The following CSGALNACT1 variants were observed in gnomAD, a reference collection of about 807,000 sequenced individuals.
The protein encoded by CSGALNACT1 is beta4GalNAcT-1.
CSGALNACT1 carries 52 observed loss-of-function variants against 51.0 expected under a neutral mutation model. The observed-to-expected ratio is 1.02, with a 90% CI of 0.82 to 1.29. The LOEUF (loss-of-function observed/expected upper bound fraction) is 1.29, where lower values mean the gene tolerates loss of function less well. CSGALNACT1 is among the 50% of genes most tolerant of loss of function. CSGALNACT1 has a pLI of 0.00. For synonymous variants in CSGALNACT1, 341 were observed against 254.4 expected, an observed-to-expected ratio of 1.34 and a Z score of -3.24; for missense variants, 935 against 679.2, an observed-to-expected ratio of 1.38 and a Z score of -4.19.
At chr8:19,552,812 A>G (rs1396127462) in intron 3 of CSGALNACT1, among the ~76,000 whole-genome samples, 21 of 152,358 alleles carry the variant, frequency 1.4e-4, no homozygotes, top group Admixed American at 1.3e-3. Context: ...TTATAAGAAC[A>G]GAATGTAAAG....
chr8:19,590,238 C>G (rs2047514402), intron 3 of CSGALNACT1, among the ~76,000 whole-genome samples: 1 of 152,148 alleles, frequency 6.6e-6, no homozygotes, highest in South Asian at 2.1e-4. Flanking sequence ...TGGATGATTA[C>G]TAAACTGCGC....
chr8:19,597,454 C>T (rs1334689592), intron 2 of CSGALNACT1, among the ~76,000 whole-genome samples: 1 of 151,802 alleles, frequency 6.6e-6, no homozygotes, highest in Non-Finnish European at 1.5e-5. Context: ...GCCACCAAGC[C>T]TAGCTAATTT....
At chr8:19,487,021 T>G (rs2073115976) in intron 4 of CSGALNACT1, among the ~76,000 whole-genome samples, 1 of 152,228 alleles carries the variant, frequency 6.6e-6, no homozygotes, top group African/African-American at 2.4e-5. Flanking sequence ...ACAGAAATCC[T>G]TTAGCTGTTA....
intron 8 of CSGALNACT1, among the ~76,000 whole-genome samples, chr8:19,413,820 G>A (rs2056361749): frequency 6.6e-6 from 1 of 152,194 alleles, no homozygotes; most frequent in South Asian, 2.1e-4. Context: ...AGGTGGCCTT[G>A]AGGAGCAGAG....
At chr8:19,526,783 A>C (rs1462393289) in intron 3 of CSGALNACT1, among the ~76,000 whole-genome samples, 1 of 152,202 alleles carries the variant, frequency 6.6e-6, no homozygotes, top group Non-Finnish European at 1.5e-5. Flanking sequence ...TACTTCTCCA[A>C]CAGGTATTTC....
chr8:19,709,108 A>C (rs2062351318), intron 1 of CSGALNACT1, among the ~76,000 whole-genome samples: 1 of 152,208 alleles, frequency 6.6e-6, no homozygotes, highest in South Asian at 2.1e-4. Flanking sequence ...GGGCAAGATC[A>C]GGAAACAGGA....
chr8:19,570,759 G>C (rs1481424272), intron 3 of CSGALNACT1, among the ~76,000 whole-genome samples: 1 of 152,138 alleles, frequency 6.6e-6, no homozygotes, highest in Non-Finnish European at 1.5e-5. Flanking sequence ...AATTAGCCAA[G>C]TGTGGTGGCA....
At chr8:19,413,964 G>C (rs2056389722) in intron 8 of CSGALNACT1, among the ~76,000 whole-genome samples, 1 of 152,158 alleles carries the variant, frequency 6.6e-6, no homozygotes, top group Admixed American at 6.5e-5. Flanking sequence ...TTGGTCTGTG[G>C]AAGACAATGA....
intron 1 of CSGALNACT1, among the ~76,000 whole-genome samples, chr8:19,633,384 C>A (rs1328488641): frequency 6.6e-6 from 1 of 152,052 alleles, no homozygotes; most frequent in African/African-American, 2.4e-5. Context: ...AATTAAGGGC[C>A]GAATGGTGGT....
intron 1 of CSGALNACT1, among the ~76,000 whole-genome samples, chr8:19,650,175 T>A (rs2057671201): frequency 6.6e-6 from 1 of 152,156 alleles, no homozygotes; most frequent in African/African-American, 2.4e-5. Flanking sequence ...ACATTTTGAG[T>A]AGCAAGGCAC....
At chr8:19,436,894 G>C (rs892892917) in intron 6 of CSGALNACT1, among the ~76,000 whole-genome samples, 3 of 152,202 alleles carry the variant, frequency 2.0e-5, no homozygotes, top group South Asian at 2.1e-4. Context: ...CTGGGCGACA[G>C]AGCAAGACCT....
chr8:19,652,020 G>A (rs145540817), intron 1 of CSGALNACT1, among the ~76,000 whole-genome samples: 199 of 151,486 alleles, frequency 1.3e-3, no homozygotes, highest in East Asian at 8.4e-3. Context: ...AACCTTCACC[G>A]CCTGGGCTCA....
At chr8:19,755,314 C>T (rs1357533368) in intron 1 of CSGALNACT1, among the ~76,000 whole-genome samples, 2 of 151,924 alleles carry the variant, frequency 1.3e-5, no homozygotes, top group Non-Finnish European at 2.9e-5. Context: ...AACACCTATA[C>T]TGGGCAGTAT....
At chr8:19,570,433 C>T (rs1439692562) in intron 3 of CSGALNACT1, among the ~76,000 whole-genome samples, 1 of 152,118 alleles carries the variant, frequency 6.6e-6, no homozygotes. Context: ...CCAGCTGTCT[C>T]AATAGTACAC....
At chr8:19,526,823 T>C (rs940561534) in intron 3 of CSGALNACT1, among the ~76,000 whole-genome samples, 2 of 152,158 alleles carry the variant, frequency 1.3e-5, no homozygotes, top group African/African-American at 4.8e-5. Flanking sequence ...ACAGAAAAAG[T>C]ACTTGGCTCA....
chr8:19,569,941 C>T (rs1051840957), intron 3 of CSGALNACT1, among the ~76,000 whole-genome samples: 1 of 152,124 alleles, frequency 6.6e-6, no homozygotes, highest in African/African-American at 2.4e-5. Flanking sequence ...AGAAGTCACA[C>T]ATAAAGGAAG....
At chr8:19,662,058 G>GT (rs2058783733) in intron 1 of CSGALNACT1, among the ~76,000 whole-genome samples, 2 of 33,924 alleles carry the variant, frequency 5.9e-5, no homozygotes, top group South Asian at 2.3e-3. Flanking sequence ...TATTACAGTT[G>GT]CCCCCACCCC....
At chr8:19,516,007 G>A (rs529880961) in intron 3 of CSGALNACT1, among the ~76,000 whole-genome samples, 2 of 152,254 alleles carry the variant, frequency 1.3e-5, no homozygotes, top group South Asian at 4.2e-4. Flanking sequence ...GGCTGAGTCA[G>A]CTGCCAAACC....
chr8:19,562,354 A>T (rs2040935708), intron 3 of CSGALNACT1, among the ~76,000 whole-genome samples: 1 of 152,180 alleles, frequency 6.6e-6, no homozygotes, highest in Non-Finnish European at 1.5e-5. Context: ...AAACAAAAAA[A>T]TACTATTTTT....
Sources: allele counts gnomAD v4.1 joint callset (sites outside exome capture counted in the v4.1 genomes callset), GRCh38; gene constraint gnomAD v4.1.1; transcripts MANE v1.5; gene names NCBI Gene and HGNC (gene_info 2026-07-23, HGNC 2026-07-21).